The following XYLB variants were observed in gnomAD, a reference collection of about 807,000 sequenced individuals.
The protein encoded by XYLB is xylulokinase.
In XYLB, 62 loss-of-function variants were observed where a neutral mutation model predicts 78.7. The observed-to-expected ratio is 0.79, with a 90% CI of 0.64 to 0.97. The LOEUF is 0.97. XYLB is among the 50% of genes least tolerant of loss of function. The pLI, the probability that XYLB is intolerant of heterozygous loss-of-function variation, is 0.00. For synonymous variants in XYLB, 245 were observed against 247.4 expected, an observed-to-expected ratio of 0.99 and a Z score of 0.09; for missense variants, 687 against 676.8, an observed-to-expected ratio of 1.02 and a Z score of -0.17.
intron 9 of XYLB, among the ~76,000 whole-genome samples, chr3:38,370,585 C>CA (rs1706503440): frequency 6.6e-6 from 1 of 152,182 alleles, no homozygotes. Flanking sequence ...CAGGCCCTGG[C>CA]ACTGGACAGC....
At chr3:38,435,375 A>C in the XYLB span, among the ~76,000 whole-genome samples, 1 of 152,138 alleles carries the variant, frequency 6.6e-6, no homozygotes, top group East Asian at 1.9e-4. Flanking sequence ...TAAAGGAATC[A>C]ATCTAGCAAG....
chr3:38,429,768 C>T, the XYLB span, among the ~76,000 whole-genome samples: 1 of 152,158 alleles, frequency 6.6e-6, no homozygotes, highest in African/African-American at 2.4e-5. Flanking sequence ...CAAGTGTTCC[C>T]ATTGTTCAAT....
downstream of XYLB, among the ~76,000 whole-genome samples, chr3:38,424,364 G>A (rs140667570): frequency 2.4e-4 from 36 of 152,180 alleles, no homozygotes; most frequent in East Asian, 5.2e-3. Flanking sequence ...AAAAATTTTT[G>A]TTCCCCTTAC....
At chr3:38,446,486 G>T in the XYLB span, among the ~76,000 whole-genome samples, 4 of 152,180 alleles carry the variant, frequency 2.6e-5, no homozygotes, top group African/African-American at 9.7e-5. Flanking sequence ...AAAGAACAAA[G>T]CTGGAGGCAT....
intron 17 of XYLB, among the ~76,000 whole-genome samples, chr3:38,398,164 A>G (rs1171798309): frequency 6.6e-6 from 1 of 151,664 alleles, no homozygotes; most frequent in African/African-American, 2.4e-5. Context: ...CAGGCAACAT[A>G]TCCTTCTCTC....
chr3:38,353,883 T>TA (rs1327476781), intron 2 of XYLB, among the ~76,000 whole-genome samples: 7 of 37,228 alleles, frequency 1.9e-4, no homozygotes, highest in African/African-American at 4.6e-4. Flanking sequence ...TGAGACTCCA[T>TA]ATAAAAAAAA....
Position 38,362,810 on chromosome 3 carries a change from T to C in XYLB, c.211-127T>C, listed in dbSNP as rs1419513808. ...TCTAGTGCTTACAAATCCCAAGTCA[T>C]GAGTTTCTTCATCATCTGCCCAGAG... On this transcript the variant is annotated intron_variant, in intron 3 of 18. Coordinates refer to ENST00000207870, the MANE Select transcript of XYLB (RefSeq NM_005108.4). 4 of 647,650 alleles carry C rather than the reference T, an allele frequency of 6.2e-6. No homozygotes were observed. In the East Asian group the frequency reaches 9.2e-5, roughly 15 times the overall value. 40.1% of individuals were successfully genotyped at this position (647,650 alleles called of 1,614,324 possible).
Position 38,397,099 on chromosome 3 carries a change from G to A in XYLB, c.1378G>A (p.Val460Met). The A allele has an allele frequency of 1.2e-6, 2 of 1,614,170 alleles. 1 individual carries two copies. Among genetic ancestry groups the A allele is most frequent in the South Asian group, 2.2e-5 (2 of 91,088 alleles). The part of the protein sequence containing the change: ...QVLADVFDAP[V>M]YVIDTANSAC... ...GCTTGCAGATGTGTTTGATGCCCCG[G>A]TGTATGTTATAGACACTGCCAACTC... Residue 460 changes from valine to methionine, a missense_variant, in exon 17 of 19, where the codon GTG (valine) becomes ATG (methionine). By Grantham distance (21) the Val-to-Met change is conservative. Transcript: ENST00000207870.
intron 15 of XYLB, among the ~76,000 whole-genome samples, chr3:38,395,119 G>A (rs1194160713): frequency 1.3e-5 from 2 of 152,236 alleles, no homozygotes; most frequent in Non-Finnish European, 2.9e-5. Context: ...GAGGGATTAT[G>A]TGGAGGCCAT....
At chr3:38,447,152 A>G in the XYLB span, among the ~76,000 whole-genome samples, 2 of 152,366 alleles carry the variant, frequency 1.3e-5, no homozygotes, top group Admixed American at 6.5e-5. Context: ...ATATAAATGG[A>G]TAACAGCATA....
chr3:38,371,447 T>C (rs559486322), intron 9 of XYLB, among the ~76,000 whole-genome samples: 1 of 152,284 alleles, frequency 6.6e-6, no homozygotes, highest in African/African-American at 2.4e-5. Flanking sequence ...CTAATTTTTT[T>C]ATATTTTTAG....
At chr3:38,416,327 G>C (rs1158154969), downstream of XYLB, among the ~76,000 whole-genome samples, 1 of 152,054 alleles carries the variant, frequency 6.6e-6, no homozygotes, top group African/African-American at 2.4e-5. Context: ...GAGATTTAGA[G>C]CATTAAAGGT....
intron 15 of XYLB, among the ~76,000 whole-genome samples, chr3:38,384,474 G>C (rs746063888): frequency 6.6e-6 from 1 of 152,172 alleles, no homozygotes; most frequent in Non-Finnish European, 1.5e-5. Flanking sequence ...CTGTCTTCAC[G>C]GCCAGCGATG....
chr3:38,366,127 G>A (rs1178634785), intron 6 of XYLB, among the ~76,000 whole-genome samples: 19 of 145,554 alleles, frequency 1.3e-4, no homozygotes, highest in Admixed American at 5.5e-4. Context: ...AAAAAAAAAA[G>A]GAAAAAAAAT....
chr3:38,380,277 C>A (rs1424153844), intron 15 of XYLB, among the ~76,000 whole-genome samples: 2 of 152,030 alleles, frequency 1.3e-5, no homozygotes, highest in Non-Finnish European at 2.9e-5. Flanking sequence ...AGACCCAGGG[C>A]CGGGGGAGGC....
chr3:38,438,855 T>C, the XYLB span, among the ~76,000 whole-genome samples: 1 of 152,304 alleles, frequency 6.6e-6, no homozygotes, highest in African/African-American at 2.4e-5. Context: ...TGCTGATTGG[T>C]CCAATTTACA....
At chr3:38,450,061 G>GTAT in the XYLB span, among the ~76,000 whole-genome samples, 31 of 152,260 alleles carry the variant, frequency 2.0e-4, no homozygotes, top group East Asian at 6.0e-3. Flanking sequence ...TGGGGGAACT[G>GTAT]TATTACCAAA....
the XYLB span, among the ~76,000 whole-genome samples, chr3:38,443,133 G>A: frequency 1.3e-5 from 2 of 152,216 alleles, no homozygotes; most frequent in African/African-American, 4.8e-5. Context: ...GGATTCCTCA[G>A]ATGGTAATGG....
At position 38,376,987 on chromosome 3, in the gene XYLB, A is replaced by G; in HGVS notation, c.1190A>G (p.His397Arg). 6.2e-7 allele frequency: 1 copy of G among 1,613,804 alleles called. No homozygotes were observed. The highest frequency in any genetic ancestry group is 1.1e-5 in the South Asian group (1 of 91,056). The change falls in exon 14 of 19, where the codon CAC (histidine) becomes CGC (arginine). Residue 397 changes from histidine (H) to arginine (R), a missense_variant. Transcript: ENST00000207870. Reference protein sequence around the residue: ...IGRHRFNTENHKVAAFPGDVE... With the variant: ...IGRHRFNTENRKVAAFPGDVE... ...CGTCATAGGTTTAACACAGAAAACC[A>G]CAAGGTACATGTGCTGTTGGTGTTG...
Sources: gnomAD v4.1 joint callset for allele counts (sites outside exome capture counted in the v4.1 genomes callset) on GRCh38, gnomAD v4.1.1 for gene constraint, MANE v1.5 for transcripts, NCBI Gene and HGNC (gene_info 2026-07-23, HGNC 2026-07-21) for gene names.